The following SHOC1 variants were observed in gnomAD, a reference collection of about 807,000 sequenced individuals.
The protein encoded by SHOC1 is protein shortage in chiasmata 1 ortholog.
In SHOC1, 136 loss-of-function variants were observed where a neutral mutation model predicts 179.2. The observed-to-expected ratio is 0.76, with a 90% confidence interval of 0.66 to 0.87. The LOEUF (loss-of-function observed/expected upper bound fraction) is 0.87. Among genes scored for constraint, SHOC1 ranks in the 40% least tolerant of loss-of-function variants. SHOC1 has a pLI of 0.00. For missense variants in SHOC1, 1,538 were observed against 1,700.8 expected, an observed-to-expected ratio of 0.90 and a Z score of 1.68; for synonymous variants, 489 against 586.6, an observed-to-expected ratio of 0.83 and a Z score of 2.41.
At chr9:111,760,624 T>C (rs1835093398) in intron 5 of SHOC1, among the ~76,000 whole-genome samples, 2 of 151,978 alleles carry the variant, frequency 1.3e-5, no homozygotes, top group African/African-American at 2.4e-5. Context: ...ATTAATGTTT[T>C]TTTTTAATAT....
intron 7 of SHOC1, among the ~76,000 whole-genome samples, chr9:111,757,775 C>A (rs912491698): frequency 6.6e-6 from 1 of 152,128 alleles, no homozygotes; most frequent in African/African-American, 2.4e-5. Flanking sequence ...ATTTCCTATA[C>A]CAGGTATATT....
At position 111,691,796 on chromosome 9, in the gene SHOC1, A is replaced by G; in HGVS notation, c.4181T>C (p.Phe1394Ser). Residue 1394 changes from phenylalanine to serine, a missense_variant, in exon 27 of 28, where the codon TTC becomes TCC. Phe to Ser is a radical substitution (Grantham distance 155). Coordinates refer to ENST00000682961, the MANE Select transcript of SHOC1 (RefSeq NM_001378211.1). ...TGATAGACATTTTTGCTGATCAGTG[A>G]ATAAATTACCTTTCTGAGAGTACAA... ...NKLYSQKGNL[F>S]TDQQKCLSDE... 2 of 1,613,902 alleles carry G rather than the reference A, an allele frequency of 1.2e-6. No homozygotes were observed. The highest frequency in any genetic ancestry group is 8.5e-7 in the Non-Finnish European group (1 of 1,179,970).
chr9:111,786,579 A>AT (rs1289610294), intron 2 of SHOC1, among the ~76,000 whole-genome samples: 1 of 129,248 alleles, frequency 7.7e-6, no homozygotes, highest in African/African-American at 3.0e-5. Context: ...TGTCTCTGCC[A>AT]TTTTTCCAAA....
intron 15 of SHOC1, among the ~76,000 whole-genome samples, chr9:111,722,089 G>T (rs1443609709): frequency 6.6e-6 from 1 of 152,148 alleles, no homozygotes; most frequent in Non-Finnish European, 1.5e-5. Flanking sequence ...TCTAGTTTTT[G>T]ACCTCCTTTT....
intron 5 of SHOC1, among the ~76,000 whole-genome samples, chr9:111,764,879 G>A (rs752064283): frequency 1.1e-4 from 16 of 152,136 alleles, no homozygotes; most frequent in Non-Finnish European, 2.2e-4. Context: ...GGTGGCTCAC[G>A]CCTGTAATCC....
In SHOC1 at chr9:111,718,291, A is replaced by T; in HGVS notation, c.2132-3T>A. 1 of 1,558,600 alleles carries T rather than the reference A, an allele frequency of 6.4e-7. No homozygotes were observed. Among genetic ancestry groups the T allele is most frequent in the Non-Finnish European group, 8.7e-7 (1 of 1,149,862 alleles). On this transcript the variant is annotated splice_polypyrimidine_tract_variant and splice_region_variant and intron_variant, in intron 15 of 27. Coordinates refer to ENST00000682961, the MANE Select transcript of SHOC1 (RefSeq NM_001378211.1). Reference sequence around the variant, plus strand: ...CATTTCTCTTTCATCAATTGTACCTAAGTAAGCAAAAATGTATTTTAAAAC... The same window carrying T: ...CATTTCTCTTTCATCAATTGTACCTTAGTAAGCAAAAATGTATTTTAAAAC...
intron 19 of SHOC1, 146 bp downstream of exon 19, chr9:111,707,709 T>C: frequency 1.7e-6 from 1 of 588,354 alleles, no homozygotes; most frequent in Non-Finnish European, 3.0e-6. Flanking sequence ...TAAAGTGCCC[T>C]ATGTAAAGCA....
chr9:111,786,845 A>T (rs1836278671), intron 2 of SHOC1, among the ~76,000 whole-genome samples: 1 of 152,204 alleles, frequency 6.6e-6, no homozygotes, highest in Non-Finnish European at 1.5e-5. Flanking sequence ...GAAAGAAGTC[A>T]ATGTCTGTGT....
At chr9:111,723,962 A>G (rs1243864649) in intron 13 of SHOC1, 51 bp from the exon 14 acceptor site, 14 of 1,338,546 alleles carry the variant, frequency 1.0e-5, no homozygotes, top group African/African-American at 1.5e-5. Context: ...GAGAAACTTA[A>G]TGTTGTTTTA....
intron 13 of SHOC1, among the ~76,000 whole-genome samples, chr9:111,724,230 C>T (rs1461630326): frequency 2.6e-5 from 4 of 152,076 alleles, no homozygotes; most frequent in Non-Finnish European, 4.4e-5. Context: ...AAGTATGTAC[C>T]GTTCTACTTA....
Position 111,775,868 on chromosome 9 carries a change from G to A in SHOC1, c.365C>T (p.Thr122Ile). 3 of 1,613,722 alleles carry A rather than the reference G, an allele frequency of 1.9e-6. No individual in the cohort carries two copies. The highest frequency in any genetic ancestry group is 1.1e-5 in the South Asian group (1 of 91,066). The change falls in exon 5 of 28, where the codon ACC becomes ATC. Residue 122 changes from threonine (T) to isoleucine (I), a missense_variant. Transcript: ENST00000682961. ...AAAGACTTCATTGTAGTCCATGTGG[G>A]TGTATAAACTGACCTCCTCTACTTC... ...QIEVEEVSLY[T>I]HMDYNEVFTP...
intron 22 of SHOC1, 41 bp from the exon 23 acceptor site, chr9:111,702,267 A>G: frequency 8.2e-7 from 1 of 1,218,956 alleles, no homozygotes; most frequent in East Asian, 2.4e-5. Flanking sequence ...CATTAGGTTG[A>G]ACAGTTATTA....
At position 111,748,781 on chromosome 9, in the gene SHOC1, C is replaced by A. The variant is rs1197503405; in HGVS notation, c.863-582G>T. Reference sequence around the variant, plus strand: ...CCTTCCTTTCCTTCCTTCCTTCCCTCCCTCCCCTCCCCCCCTTCCTTCCTT... The same window carrying A: ...CCTTCCTTTCCTTCCTTCCTTCCCTACCTCCCCTCCCCCCCTTCCTTCCTT... On this transcript the variant is annotated intron_variant, in intron 8 of 27. Coordinates refer to ENST00000682961, the MANE Select transcript of SHOC1 (RefSeq NM_001378211.1). Among the ~76,000 whole-genome samples, 21 of 98,300 alleles carry A rather than the reference C, an allele frequency of 2.1e-4. No homozygotes were observed. In the East Asian group the frequency reaches 6.7e-3, roughly 31 times the overall value. The allele number at this position is 98,300 out of a possible 152,430, so 64.5% of individuals were successfully genotyped here.
intron 12 of SHOC1, among the ~76,000 whole-genome samples, chr9:111,735,962 T>C (rs1283838422): frequency 6.6e-6 from 1 of 152,226 alleles, no homozygotes; most frequent in African/African-American, 2.4e-5. Context: ...TGATTTCATG[T>C]CTTTACTATT....
At chr9:111,690,027 T>C (rs1831357616) in intron 27 of SHOC1, among the ~76,000 whole-genome samples, 1 of 152,194 alleles carries the variant, frequency 6.6e-6, no homozygotes, top group Admixed American at 6.5e-5. Context: ...GCATAACTTT[T>C]ATGTCCAAAT....
rs1009773833 is a variant in SHOC1 at position 111,726,663 on chromosome 9, T to G, written c.1834+970A>C. On this transcript the variant is annotated intron_variant, in intron 13 of 27. Coordinates refer to ENST00000682961, the MANE Select transcript of SHOC1 (RefSeq NM_001378211.1). Reference sequence around the variant, plus strand: ...TTAAGAACTGAAGATCTTGTGTCTATTAATAGTATATGAGACAGTAAGACC... The same window carrying G: ...TTAAGAACTGAAGATCTTGTGTCTAGTAATAGTATATGAGACAGTAAGACC... Among the ~76,000 whole-genome samples, 39 of 152,220 alleles carry G rather than the reference T, an allele frequency of 2.6e-4. 1 individual carries two copies. The highest frequency in any genetic ancestry group is 2.6e-3 in the Admixed American group (39 of 15,276).
intron 2 of SHOC1, 127 bp from the exon 3 acceptor site, chr9:111,786,162 T>TA (rs1280414031): frequency 3.0e-6 from 2 of 677,964 alleles, no homozygotes; most frequent in South Asian, 4.1e-5. Context: ...ATGCTCCTTA[T>TA]AAAAAACAGG....
chr9:111,748,058 C>T (rs1456344864), intron 9 of SHOC1, 34 bp downstream of exon 9: 2 of 1,382,914 alleles, frequency 1.4e-6, no homozygotes, highest in East Asian at 2.3e-5. Context: ...ATAGGTAATC[C>T]CCAATAAGCT....
Position 111,686,785 on chromosome 9 carries a change from C to A in SHOC1, c.4512G>T (p.Arg1504=). ...KVPGRVDGQT[R]LRFF is the part of the protein sequence containing the mutation. ...TTCTCCTCCTTCAAAAAAACCTCAG[C>A]CGAGTCTGCCCATCAACTCTACCAG... is the stretch of plus-strand genomic sequence containing the variant. The change falls in exon 28 of 28, where the codon CGG becomes CGT. Residue 1504 remains arginine, a synonymous_variant. Coordinates refer to ENST00000682961, the MANE Select transcript of SHOC1 (RefSeq NM_001378211.1). The A allele has an allele frequency of 6.2e-7, 1 of 1,612,354 alleles. No individual in the cohort carries two copies. Among genetic ancestry groups the A allele is most frequent in the Non-Finnish European group, 8.5e-7 (1 of 1,178,650 alleles).
Sources: gnomAD v4.1 joint callset for allele counts (sites outside exome capture counted in the v4.1 genomes callset) on GRCh38, gnomAD v4.1.1 for gene constraint, MANE v1.5 for transcripts, NCBI Gene and HGNC (gene_info 2026-07-23, HGNC 2026-07-21) for gene names.